SHLD2: variants seen among roughly 807,000 people sequenced by gnomAD.
SHLD2 encodes the protein shieldin complex subunit 2.
Under a neutral mutation model 73.2 loss-of-function variants are expected in SHLD2, and 30 were observed. The ratio of observed to expected loss-of-function variants is 0.41; its 90% CI spans 0.31 to 0.56. The LOEUF (loss-of-function observed/expected upper bound fraction) is 0.56. Among genes scored for constraint, SHLD2 ranks in the 20% least tolerant of loss-of-function variants. SHLD2 has a pLI of 0.28. For missense variants in SHLD2, 745 were observed against 1,055.9 expected, an observed-to-expected ratio of 0.71 and a Z score of 4.08; for synonymous variants, 285 against 370.1, an observed-to-expected ratio of 0.77 and a Z score of 2.64.
chr10:87,155,851 A>AT (rs1380220093), intron 3 of SHLD2, among the ~76,000 whole-genome samples: 1 of 151,918 alleles, frequency 6.6e-6, no homozygotes, highest in East Asian at 1.9e-4. Flanking sequence ...TTCTATGAAC[A>AT]TTTTTTTTAA....
intron 2 of SHLD2, among the ~76,000 whole-genome samples, chr10:87,123,640 T>C (rs2134096225): frequency 6.6e-6 from 1 of 152,332 alleles, no homozygotes; most frequent in East Asian, 1.9e-4. Flanking sequence ...CTTGTATATA[T>C]GTCTCCACCA....
chr10:87,142,030 CA>C (rs879494523), intron 2 of SHLD2, among the ~76,000 whole-genome samples: 134 of 123,766 alleles, frequency 1.1e-3, no homozygotes, highest in Non-Finnish European at 1.3e-3. Context: ...GACTCCATCT[CA>C]AAAAAAAAAA....
chr10:87,168,458 G>A (rs1224582741), intron 4 of SHLD2, among the ~76,000 whole-genome samples: 1 of 151,734 alleles, frequency 6.6e-6, no homozygotes, highest in Non-Finnish European at 1.5e-5. Context: ...AATTAGCTAG[G>A]TGTGGTGGTG....
At chr10:87,171,971 A>G (rs1430204095) in intron 6 of SHLD2, among the ~76,000 whole-genome samples, 113 of 152,350 alleles carry the variant, frequency 7.4e-4, no homozygotes, top group Non-Finnish European at 1.6e-4. Context: ...TCACAGGTAT[A>G]GTGGAGCCGT....
At chr10:87,167,330 A>G (rs1847272005) in intron 4 of SHLD2, among the ~76,000 whole-genome samples, 1 of 152,204 alleles carries the variant, frequency 6.6e-6, no homozygotes, top group South Asian at 2.1e-4. Flanking sequence ...ACAGGAATTT[A>G]TGGTGCTTTA....
chr10:87,136,948 C>G (rs1181343156), intron 2 of SHLD2, among the ~76,000 whole-genome samples: 3 of 152,190 alleles, frequency 2.0e-5, no homozygotes, highest in South Asian at 4.1e-4. Flanking sequence ...ACACCCAGCT[C>G]AGTTACATAT....
At chr10:87,142,410 G>C (rs1200084555) in intron 2 of SHLD2, among the ~76,000 whole-genome samples, 1 of 152,198 alleles carries the variant, frequency 6.6e-6, no homozygotes, top group Non-Finnish European at 1.5e-5. Context: ...ATGTTTTGCT[G>C]TTTGATTTCC....
chr10:87,175,451 C>T (rs1453650727), intron 6 of SHLD2, among the ~76,000 whole-genome samples: 1 of 151,466 alleles, frequency 6.6e-6, no homozygotes, highest in Non-Finnish European at 1.5e-5. Flanking sequence ...TGTGGGAGGC[C>T]GAGGTGGGCG....
chr10:87,187,252 G>A, intron 9 of SHLD2, 52 bp downstream of exon 9: 2 of 1,077,274 alleles, frequency 1.9e-6, no homozygotes, highest in Non-Finnish European at 1.4e-6. Context: ...AGTATAAATG[G>A]TATATCGGAA....
intron 7 of SHLD2, among the ~76,000 whole-genome samples, chr10:87,177,530 A>G (rs1043534339): frequency 1.3e-5 from 2 of 152,176 alleles, no homozygotes; most frequent in African/African-American, 2.4e-5. Flanking sequence ...AGCCTCTTTC[A>G]TTCTCTTTAT....
intron 2 of SHLD2, among the ~76,000 whole-genome samples, chr10:87,127,536 C>A (rs1464670374): frequency 7.7e-5 from 5 of 65,326 alleles, no homozygotes; most frequent in Admixed American, 1.6e-4. Context: ...CCCGCCCCCC[C>A]CCACCCCGTC....
intron 2 of SHLD2, among the ~76,000 whole-genome samples, chr10:87,112,925 C>T (rs1237327534): frequency 2.0e-5 from 3 of 152,140 alleles, no homozygotes; most frequent in East Asian, 3.8e-4. Context: ...GAAATGACTA[C>T]ATATGTCCAT....
chr10:87,098,726 T>C (rs1842070648), intron 2 of SHLD2, among the ~76,000 whole-genome samples: 1 of 152,218 alleles, frequency 6.6e-6, no homozygotes, highest in South Asian at 2.1e-4. Context: ...CAACTTTAGA[T>C]TTATGATTGC....
intron 3 of SHLD2, among the ~76,000 whole-genome samples, chr10:87,156,875 C>G (rs1314521804): frequency 2.0e-5 from 3 of 152,112 alleles, no homozygotes; most frequent in African/African-American, 7.2e-5. Flanking sequence ...TGATATATCA[C>G]TCGCCTGAAC....
At chr10:87,125,801 C>T (rs1268096321) in intron 2 of SHLD2, among the ~76,000 whole-genome samples, 5 of 151,830 alleles carry the variant, frequency 3.3e-5, no homozygotes, top group Admixed American at 6.6e-5. Context: ...GTGGCGGGTG[C>T]CTGTAATCCC....
rs568050950 is a variant in SHLD2 at position 87,121,765 on chromosome 10, T to C, written c.-6+24776T>C. On this transcript the variant is annotated intron_variant, in intron 2 of 9. Coordinates refer to ENST00000298786, the MANE Select transcript of SHLD2 (RefSeq NM_001330112.2). The stretch of plus-strand genomic sequence containing the variant: ...AAAAGTGGTATTTTCTTTCTTTCTT[T>C]TTTTTTTTTTTTTTTAATTGAGATA... Among the ~76,000 whole-genome samples, 40 of 146,848 alleles carry C rather than the reference T, an allele frequency of 2.7e-4. No individual in the cohort carries two copies. The East Asian group carries it at 7.1e-3, about 26-fold the overall frequency.
At chr10:87,106,623 T>TCTCTTAC (rs1589432305) in intron 2 of SHLD2, among the ~76,000 whole-genome samples, 1 of 152,324 alleles carries the variant, frequency 6.6e-6, no homozygotes, top group East Asian at 1.9e-4. Context: ...TCGTGTTTAC[T>TCTCTTAC]CTCTTACTAG....
upstream of SHLD2, chr10:87,094,698 G>C (rs376283515): frequency 3.3e-6 from 5 of 1,496,658 alleles, no homozygotes; most frequent in Non-Finnish European, 2.7e-6. The surrounding 1 kb of genome is among the most constrained non-coding windows in gnomAD (Gnocchi z 6.6). Context: ...CGGCCGAGTC[G>C]GCGGACGCCG....
chr10:87,138,375 A>G (rs1381667546), intron 2 of SHLD2, among the ~76,000 whole-genome samples: 2 of 150,852 alleles, frequency 1.3e-5, no homozygotes, highest in Non-Finnish European at 3.0e-5. Context: ...AGCTGAAAGA[A>G]AAAAAAAAAA....
Sources: gnomAD v4.1 joint callset for allele counts (sites outside exome capture counted in the v4.1 genomes callset) on GRCh38, gnomAD v4.1.1 for gene constraint, Gnocchi (gnomAD v3.1) non-coding constraint, MANE v1.5 for transcripts, NCBI Gene and HGNC (gene_info 2026-07-23, HGNC 2026-07-21) for gene names.